Variants in OSBPL9 observed in about 807,000 individuals in gnomAD.
The protein encoded by OSBPL9 is oxysterol binding protein like 9.
A neutral mutation model predicts 106.6 loss-of-function variants in OSBPL9; 40 were observed. That is an observed-to-expected ratio of 0.38 (90% CI 0.29 to 0.49). OSBPL9 has a LOEUF of 0.49. OSBPL9 is among the 20% of genes least tolerant of loss of function. The probability of loss-of-function intolerance (pLI) is 0.97; values close to 1 mark genes in which losing one functional copy is unlikely to be tolerated. For missense variants in OSBPL9, 609 were observed against 887.2 expected, an observed-to-expected ratio of 0.69 and a Z score of 3.98; for synonymous variants, 269 against 295.4, an observed-to-expected ratio of 0.91 and a Z score of 0.92.
upstream of OSBPL9, among the ~76,000 whole-genome samples, chr1:51,616,465 G>T (rs116061036): frequency 5.9e-3 from 898 of 152,170 alleles, 8 homozygotes; most frequent in African/African-American, 0.02. Flanking sequence ...CTTCGTCTTG[G>T]AAGGCTCTTC....
intron 2 of OSBPL9, among the ~76,000 whole-genome samples, chr1:51,610,878 A>C (rs900878614): frequency 6.6e-6 from 1 of 152,218 alleles, no homozygotes; most frequent in Non-Finnish European, 1.5e-5. Flanking sequence ...TGAGTCCTCA[A>C]AGAACCCAAG....
chr1:51,683,764 A>G (rs1653134200), intron 3 of OSBPL9, among the ~76,000 whole-genome samples: 2 of 151,722 alleles, frequency 1.3e-5, no homozygotes, highest in Admixed American at 1.3e-4. Context: ...CTGCTCTCCA[A>G]CCTGGGCGAC....
chr1:51,631,473 C>T (rs1275657847), intron 1 of OSBPL9, among the ~76,000 whole-genome samples: 1 of 151,626 alleles, frequency 6.6e-6, no homozygotes, highest in South Asian at 2.1e-4. Flanking sequence ...CCCAACAGGT[C>T]GAGGGTACAG....
intron 2 of OSBPL9, among the ~76,000 whole-genome samples, chr1:51,599,867 A>G (rs1160777727): frequency 6.6e-6 from 1 of 152,190 alleles, no homozygotes; most frequent in East Asian, 1.9e-4. Context: ...GACGTCCAAG[A>G]TCAAGGTGTC....
chr1:51,786,260 T>G, intron 21 of OSBPL9: 1 of 449,778 alleles, frequency 2.2e-6, no homozygotes, highest in South Asian at 2.9e-5. Flanking sequence ...CAGTTGAAGA[T>G]TTTGTATAAT....
intron 1 of OSBPL9, among the ~76,000 whole-genome samples, chr1:51,591,450 AT>A (rs1645275113): frequency 6.6e-6 from 1 of 152,220 alleles, no homozygotes; most frequent in African/African-American, 2.4e-5. Flanking sequence ...GGGAAATAGA[AT>A]AAGTCTGGAG....
the OSBPL9 span, among the ~76,000 whole-genome samples, chr1:51,526,622 A>T: frequency 6.6e-6 from 1 of 152,056 alleles, no homozygotes; most frequent in Admixed American, 6.6e-5. Flanking sequence ...AGCTCAAGAG[A>T]TTCACAATCA....
chr1:51,730,806 TAAGG>T (rs1185313176), intron 4 of OSBPL9, among the ~76,000 whole-genome samples: 1 of 152,200 alleles, frequency 6.6e-6, no homozygotes, highest in Non-Finnish European at 1.5e-5. Context: ...TTAGCTGTAT[TAAGG>T]AAGTTAAAAT....
chr1:51,766,005 A>G, intron 12 of OSBPL9, 24 bp downstream of exon 12: 1 of 1,553,342 alleles, frequency 6.4e-7, no homozygotes, highest in Non-Finnish European at 8.7e-7. Flanking sequence ...CAGAATATGT[A>G]TTTAAATGAT....
At chr1:51,654,600 G>A (rs1646712449) in intron 2 of OSBPL9, among the ~76,000 whole-genome samples, 1 of 152,018 alleles carries the variant, frequency 6.6e-6, no homozygotes, top group Non-Finnish European at 1.5e-5. Flanking sequence ...AGCATTATTT[G>A]CAATATTCAT....
chr1:51,611,128 G>T (rs1341564272), intron 2 of OSBPL9, among the ~76,000 whole-genome samples: 1 of 151,952 alleles, frequency 6.6e-6, no homozygotes, highest in African/African-American at 2.4e-5. Context: ...AACACTTACA[G>T]AACCTAAATC....
intron 1 of OSBPL9, chr1:51,583,425 A>G (rs990844372): frequency 5.3e-5 from 8 of 152,230 alleles, no homozygotes; most frequent in African/African-American, 1.9e-4. Flanking sequence ...CATTTTATGG[A>G]AACTTGGATA....
chr1:51,711,688 T>C (rs1344320417), intron 3 of OSBPL9, among the ~76,000 whole-genome samples: 1 of 138,548 alleles, frequency 7.2e-6, no homozygotes, highest in African/African-American at 2.8e-5. Flanking sequence ...GTCTCCTCAC[T>C]TCTCAGACGG....
At chr1:51,781,055 G>C (rs1676262810) in intron 15 of OSBPL9, 109 bp from the exon 16 acceptor site, 2 of 890,842 alleles carry the variant, frequency 2.2e-6, no homozygotes, top group African/African-American at 1.7e-5. Context: ...CCTGGTCCTA[G>C]GTCCTCAGTC....
intron 3 of OSBPL9, among the ~76,000 whole-genome samples, chr1:51,680,736 C>T (rs533792176): frequency 6.6e-6 from 1 of 152,150 alleles, no homozygotes; most frequent in South Asian, 2.1e-4. Context: ...TTTAGCCACT[C>T]ATCTGTATTG....
At chr1:51,705,376 C>CATATATATATATATATATATATATAT (rs202075577) in intron 3 of OSBPL9, among the ~76,000 whole-genome samples, 3 of 41,654 alleles carry the variant, frequency 7.2e-5, no homozygotes, top group African/African-American at 1.1e-4. Flanking sequence ...TAGGGTGTTT[C>CATATATATATATATATATATATATAT]ATATATATAT....
At chr1:51,540,818 G>A in the OSBPL9 span, among the ~76,000 whole-genome samples, 1 of 151,496 alleles carries the variant, frequency 6.6e-6, no homozygotes. Context: ...AATTAGCCAG[G>A]TGGGGTGGTG....
rs779454312 is a variant in OSBPL9 at position 51,789,191 on chromosome 1, A to G, written c.*1402A>G. The stretch of plus-strand genomic sequence containing the variant: ...AACTCCATAAAATACAAACAAACAC[A>G]TTTTAAAATACACATTGCTTCAGGC... On this transcript the variant is annotated 3_prime_UTR_variant, in exon 24 of 24. Coordinates refer to ENST00000428468, the MANE Select transcript of OSBPL9 (RefSeq NM_024586.6). 6.4e-7 allele frequency: 1 copy of G among 1,559,132 alleles called. No individual in the cohort carries two copies. Among genetic ancestry groups the G allele is most frequent in the Non-Finnish European group, 8.8e-7 (1 of 1,130,542 alleles).
At chr1:51,659,092 A>C (rs1368494182) in intron 2 of OSBPL9, among the ~76,000 whole-genome samples, 2 of 152,152 alleles carry the variant, frequency 1.3e-5, no homozygotes, top group Admixed American at 6.5e-5. Flanking sequence ...AATGAAAAAG[A>C]AAGTGATGGA....
Sources: allele counts gnomAD v4.1 joint callset (sites outside exome capture counted in the v4.1 genomes callset), GRCh38; gene constraint gnomAD v4.1.1; transcripts MANE v1.5; gene names NCBI Gene and HGNC (gene_info 2026-07-23, HGNC 2026-07-21).